ZNF892: variants seen among roughly 807,000 people sequenced by gnomAD.
The protein encoded by ZNF892 is zinc finger protein 570-like.
the ZNF892 span, among the ~76,000 whole-genome samples, chr2:95,256,644 C>G: frequency 1.0e-3 from 156 of 152,348 alleles, 1 homozygote; most frequent in Admixed American, 3.1e-3. Context: ...GGAAGTTCTC[C>G]TGGATAATAT....
chr2:95,211,516 T>A, the ZNF892 span: 1 of 395,966 alleles, frequency 2.5e-6, no homozygotes. Context: ...GTCCTTTTTT[T>A]ATCCTTTCTG....
chr2:95,212,046 C>A, the ZNF892 span: 1 of 396,522 alleles, frequency 2.5e-6, no homozygotes, highest in Admixed American at 4.4e-5. Context: ...GGGACTCAAA[C>A]CCCTATCAAT....
At chr2:95,254,621 T>G in the ZNF892 span, among the ~76,000 whole-genome samples, 2 of 152,194 alleles carry the variant, frequency 1.3e-5, no homozygotes, top group Non-Finnish European at 2.9e-5. Flanking sequence ...GGATTCCCTC[T>G]TTTTCTATTG....
At chr2:95,249,229 ATATTTTTTTTT>A in the ZNF892 span, among the ~76,000 whole-genome samples, 12 of 70,624 alleles carry the variant, frequency 1.7e-4, no homozygotes, top group South Asian at 1.8e-3. Context: ...ATATATATAT[ATATTTTTTTTT>A]TTTTTTTTTT....
At chr2:95,207,955 G>C in the ZNF892 span, 9 of 397,258 alleles carry the variant, frequency 2.3e-5, no homozygotes, top group Non-Finnish European at 3.1e-5. Context: ...CCTACTAGCC[G>C]GTCTCACTTG....
the ZNF892 span, among the ~76,000 whole-genome samples, chr2:95,210,165 A>G: frequency 1.3e-5 from 2 of 148,992 alleles, no homozygotes; most frequent in African/African-American, 2.5e-5. Context: ...ATGTGTATAT[A>G]TGTATATATG....
At chr2:95,214,519 A>C in the ZNF892 span, 1 of 398,472 alleles carries the variant, frequency 2.5e-6, no homozygotes, top group Non-Finnish European at 4.4e-6. Flanking sequence ...GTCACTGAGA[A>C]ATCTTCTAGG....
the ZNF892 span, among the ~76,000 whole-genome samples, chr2:95,210,201 GTATATATGTGTATATATGTA>G: frequency 6.4e-3 from 929 of 146,028 alleles, 6 homozygotes; most frequent in Non-Finnish European, 9.9e-3. Flanking sequence ...GTGTATATAT[GTATATATGTGTATATATGTA>G]TATATATGTG....
At chr2:95,257,272 T>C in the ZNF892 span, among the ~76,000 whole-genome samples, 1 of 152,198 alleles carries the variant, frequency 6.6e-6, no homozygotes, top group Admixed American at 6.5e-5. Flanking sequence ...TTCTGTTTGT[T>C]AGTTTTCCTT....
At chr2:95,241,593 C>G in the ZNF892 span, among the ~76,000 whole-genome samples, 1 of 152,148 alleles carries the variant, frequency 6.6e-6, no homozygotes, top group African/African-American at 2.4e-5. Context: ...TTTGTCTCCT[C>G]CAAATGACCA....
chr2:95,240,602 G>A, the ZNF892 span, among the ~76,000 whole-genome samples: 4 of 152,326 alleles, frequency 2.6e-5, no homozygotes, highest in East Asian at 3.9e-4. Flanking sequence ...CAAGGCGGGA[G>A]GTCCACTCGT....
At chr2:95,208,503 G>A in the ZNF892 span, 1 of 396,358 alleles carries the variant, frequency 2.5e-6, no homozygotes. Context: ...AATGGTCAAG[G>A]TGTCTTGATT....
the ZNF892 span, among the ~76,000 whole-genome samples, chr2:95,238,154 G>C: frequency 0.16 from 23,925 of 152,198 alleles, 2,236 homozygotes; most frequent in Admixed American, 0.29. Flanking sequence ...ATGCCATCTA[G>C]GACTTTCATA....
chr2:95,252,924 G>C, the ZNF892 span, among the ~76,000 whole-genome samples: 1 of 152,152 alleles, frequency 6.6e-6, no homozygotes, highest in Non-Finnish European at 1.5e-5. Context: ...CCCACTTGTT[G>C]ATGGGGTTGT....
the ZNF892 span, among the ~76,000 whole-genome samples, chr2:95,241,175 T>A: frequency 2.0e-5 from 3 of 152,192 alleles, no homozygotes; most frequent in Non-Finnish European, 4.4e-5. Context: ...GACTGCTTCT[T>A]TAAGTGGATC....
At chr2:95,215,365 C>A in the ZNF892 span, 2 of 459,356 alleles carry the variant, frequency 4.4e-6, no homozygotes, top group Non-Finnish European at 7.8e-6. Flanking sequence ...GGAGAGAAAC[C>A]TTACAAATGT....
the ZNF892 span, among the ~76,000 whole-genome samples, chr2:95,252,239 C>T: frequency 7.1e-6 from 1 of 141,454 alleles, no homozygotes; most frequent in East Asian, 2.2e-4. Flanking sequence ...TCCCCCCTCC[C>T]CCCACCACAC....
the ZNF892 span, among the ~76,000 whole-genome samples, chr2:95,209,424 G>C: frequency 3.9e-5 from 6 of 152,126 alleles, no homozygotes; most frequent in Non-Finnish European, 7.4e-5. Flanking sequence ...GCAAATGAAG[G>C]CCTCATGAAG....
chr2:95,220,162 TGGA>T, the ZNF892 span, among the ~76,000 whole-genome samples: 1 of 151,998 alleles, frequency 6.6e-6, no homozygotes, highest in Non-Finnish European at 1.5e-5. Flanking sequence ...AGGGTAAAGG[TGGA>T]GGACTGAGGA....
Sources: gnomAD v4.1 joint callset for allele counts (sites outside exome capture counted in the v4.1 genomes callset) on GRCh38, gnomAD v4.1.1 for gene constraint, MANE v1.5 for transcripts, NCBI Gene and HGNC (gene_info 2026-07-23, HGNC 2026-07-21) for gene names.